CDH18: variants seen among roughly 807,000 people sequenced by gnomAD.
CDH18 encodes cadherin-18.
A neutral mutation model predicts 67.9 loss-of-function variants in CDH18; 31 were observed. The observed-to-expected ratio is 0.46, with a 90% CI of 0.34 to 0.62. CDH18 has a LOEUF of 0.62. Among genes scored for constraint, CDH18 ranks in the 20% least tolerant of loss-of-function variants. The pLI, the probability that CDH18 is intolerant of heterozygous loss-of-function variation, is 0.01. For missense variants in CDH18, 890 were observed against 975.5 expected (o/e 0.91, Z 1.17); for synonymous variants, 362 against 347.2 (o/e 1.04, Z -0.48).
intron 6 of CDH18, among the ~76,000 whole-genome samples, chr5:19,607,800 A>G (rs976026856): frequency 1.3e-5 from 2 of 151,476 alleles, no homozygotes; most frequent in Non-Finnish European, 3.0e-5. Context: ...ATTATAGAAA[A>G]CATTATACCA....
chr5:19,710,158 T>G (rs1291226093), intron 5 of CDH18, among the ~76,000 whole-genome samples: 1 of 151,934 alleles, frequency 6.6e-6, no homozygotes. Flanking sequence ...AAAACACTCA[T>G]AAGTTAATGA....
Position 20,456,480 on chromosome 5 carries a change from C to T in CDH18, c.-580+118982G>A, listed in dbSNP as rs562792050. Among the ~76,000 whole-genome samples, 17 of 152,198 alleles carry T rather than the reference C, an allele frequency of 1.1e-4. No individual in the cohort carries two copies. The South Asian group carries it at 1.9e-3, about 17-fold the overall frequency. ...CAACCCTCCACTCAAATGAAATATG[C>T]TGTTTTATTTTGCTTTTGATCATTC... is the stretch of plus-strand genomic sequence containing the variant. On this transcript the variant is annotated intron_variant, in intron 1 of 14. Transcript: ENST00000507958.
At chr5:19,791,637 T>C (rs1392428902) in intron 3 of CDH18, among the ~76,000 whole-genome samples, 1 of 152,176 alleles carries the variant, frequency 6.6e-6, no homozygotes, top group East Asian at 1.9e-4. Flanking sequence ...TAGCTGCACA[T>C]GACAGAATTT....
chr5:19,764,908 T>C (rs1048704506), intron 3 of CDH18, among the ~76,000 whole-genome samples: 4 of 152,222 alleles, frequency 2.6e-5, no homozygotes, highest in African/African-American at 9.6e-5. Context: ...TGCTCATTCT[T>C]GCTAAATTCT....
At chr5:20,561,509 C>G (rs944477009) in intron 1 of CDH18, among the ~76,000 whole-genome samples, 5 of 151,962 alleles carry the variant, frequency 3.3e-5, no homozygotes, top group Non-Finnish European at 7.4e-5. Context: ...TCTGACAAGG[C>G]TACATATTGT....
intron 1 of CDH18, among the ~76,000 whole-genome samples, chr5:20,342,442 C>A (rs1740354961): frequency 6.6e-6 from 1 of 152,108 alleles, no homozygotes; most frequent in Non-Finnish European, 1.5e-5. Context: ...AGCTGCCAGG[C>A]AAGTTAATAT....
At chr5:19,526,067 A>G (rs1747707850) in intron 9 of CDH18, among the ~76,000 whole-genome samples, 1 of 152,134 alleles carries the variant, frequency 6.6e-6, no homozygotes, top group Non-Finnish European at 1.5e-5. Context: ...TCAATAAATT[A>G]TTTGCAATTT....
rs1445922616 is a variant in CDH18, at chr5:20,432,563, T to C, written c.-580+142899A>G. 2.6e-5 allele frequency among the ~76,000 whole-genome samples: 4 copies of C among 152,072 alleles called. No individual in the cohort carries two copies. In the East Asian group the frequency reaches 7.7e-4, roughly 29 times the overall value. ...GTAAGAAATTACTTCCAAAAGTAATTTGGAAGGACAAGGTATTGGCCGGGC... is the reference window on the plus strand; with the variant it reads ...GTAAGAAATTACTTCCAAAAGTAATCTGGAAGGACAAGGTATTGGCCGGGC... On this transcript the variant is annotated intron_variant, in intron 1 of 14. Coordinates refer to the CDH18 transcript ENST00000507958.
At chr5:19,853,063 G>C (rs1217142013) in intron 2 of CDH18, among the ~76,000 whole-genome samples, 3 of 152,090 alleles carry the variant, frequency 2.0e-5, no homozygotes, top group Non-Finnish European at 2.9e-5. Context: ...ACTGTGAGAG[G>C]CATGTGCATT....
chr5:20,244,983 A>G (rs1743267409), intron 2 of CDH18, among the ~76,000 whole-genome samples: 1 of 152,094 alleles, frequency 6.6e-6, no homozygotes, highest in South Asian at 2.1e-4. Flanking sequence ...GAAACCTCCA[A>G]ACTTAAAAAT....
chr5:20,561,444 A>G (rs185418991), intron 1 of CDH18, among the ~76,000 whole-genome samples: 44 of 152,210 alleles, frequency 2.9e-4, no homozygotes, highest in African/African-American at 1.0e-3. Context: ...TGAGCTATCA[A>G]ACCAAAAAGA....
At chr5:19,780,945 G>A (rs1775041183) in intron 3 of CDH18, among the ~76,000 whole-genome samples, 1 of 151,994 alleles carries the variant, frequency 6.6e-6, no homozygotes, top group Non-Finnish European at 1.5e-5. Flanking sequence ...CTGCTGAAGT[G>A]GTTTCCTATA....
At chr5:19,516,396 A>G (rs1306943614) in intron 10 of CDH18, among the ~76,000 whole-genome samples, 1 of 151,962 alleles carries the variant, frequency 6.6e-6, no homozygotes, top group Non-Finnish European at 1.5e-5. Context: ...CTCTTTTTCT[A>G]TTGATTGGAA....
At chr5:19,589,141 T>C (rs1232031600) in intron 7 of CDH18, among the ~76,000 whole-genome samples, 2 of 152,118 alleles carry the variant, frequency 1.3e-5, no homozygotes, top group Non-Finnish European at 2.9e-5. Flanking sequence ...ACACTTACTC[T>C]AAAGTTGATC....
intron 7 of CDH18, among the ~76,000 whole-genome samples, chr5:19,581,572 T>C (rs1743260933): frequency 6.6e-6 from 1 of 152,008 alleles, no homozygotes; most frequent in South Asian, 2.1e-4. Flanking sequence ...TCTAAAATTC[T>C]ATTCTCCTAA....
At chr5:20,005,870 T>C (rs1736861571) in intron 2 of CDH18, among the ~76,000 whole-genome samples, 1 of 152,018 alleles carries the variant, frequency 6.6e-6, no homozygotes, top group African/African-American at 2.4e-5. Context: ...GTTTCATGGA[T>C]TGATTTCTAT....
intron 2 of CDH18, among the ~76,000 whole-genome samples, chr5:20,028,932 A>G (rs1739151428): frequency 6.6e-6 from 1 of 151,786 alleles, no homozygotes; most frequent in Non-Finnish European, 1.5e-5. Flanking sequence ...CTAAACAAGG[A>G]CTCCTTTTGG....
chr5:19,656,336 C>A (rs1176141555), intron 5 of CDH18, among the ~76,000 whole-genome samples: 1 of 151,830 alleles, frequency 6.6e-6, no homozygotes, highest in East Asian at 1.9e-4. Context: ...CAACATTTAA[C>A]TTTTTTAAAT....
chr5:20,209,513 G>C (rs1399984608), intron 2 of CDH18, among the ~76,000 whole-genome samples: 1 of 151,920 alleles, frequency 6.6e-6, no homozygotes, highest in Non-Finnish European at 1.5e-5. Context: ...AGATAGATGT[G>C]GTCACTCATA....
Sources: gnomAD v4.1 joint callset for allele counts (sites outside exome capture counted in the v4.1 genomes callset) on GRCh38, gnomAD v4.1.1 for gene constraint, MANE v1.5 for transcripts, NCBI Gene and HGNC (gene_info 2026-07-23, HGNC 2026-07-21) for gene names.